Variants in GLI2 observed in about 807,000 individuals in gnomAD.
GLI2 encodes transcription activator GLI2.
GLI2 carries 22 observed loss-of-function variants against 78.9 expected under a neutral mutation model. That is an observed-to-expected ratio of 0.28 (90% confidence interval 0.20 to 0.40). GLI2 has a LOEUF of 0.40. GLI2 is among the 10% of genes least tolerant of loss of function. GLI2 has a pLI of 1.00. For synonymous variants in GLI2, 974 were observed against 963.7 expected, an observed-to-expected ratio of 1.01 and a Z score of -0.20; for missense variants, 2,097 against 2,213.2, an observed-to-expected ratio of 0.95 and a Z score of 1.05.
At chr2:120,777,501 G>GGGGAGGAGCGCGGCA (rs1378470495) in intron 1 of GLI2, among the ~76,000 whole-genome samples, 1 of 151,956 alleles carries the variant, frequency 6.6e-6, no homozygotes, top group Admixed American at 6.6e-5. Context: ...CACACAGCCT[G>GGGGAGGAGCGCGGCA]GGGAGGAGCG....
At chr2:120,853,984 G>A (rs758946977) in intron 2 of GLI2, among the ~76,000 whole-genome samples, 4 of 152,010 alleles carry the variant, frequency 2.6e-5, no homozygotes, top group African/African-American at 7.3e-5. Flanking sequence ...TGGCTCCCCC[G>A]AGCCCATTTT....
chr2:120,757,646 C>T (rs920747156), intron 1 of GLI2, among the ~76,000 whole-genome samples: 2 of 152,230 alleles, frequency 1.3e-5, no homozygotes, highest in African/African-American at 4.8e-5. Context: ...CCAATGTTCC[C>T]CTTCTGTTCA....
rs2592589 is a variant in GLI2 at position 120,972,355 on chromosome 2, G to C, written c.1182+292G>C. 0.89 allele frequency among the ~76,000 whole-genome samples: 135,444 copies of C among 152,252 alleles called. 61,869 individuals carry two copies. The highest frequency in any genetic ancestry group is 1 in the East Asian group (5,172 of 5,174). Reference sequence around the variant, plus strand: ...CTCAGGCTGCATCTGTCTCTCTCTCGCCACACCTGACCTGTGTACAGCACC... The same window carrying C: ...CTCAGGCTGCATCTGTCTCTCTCTCCCCACACCTGACCTGTGTACAGCACC... On this transcript the variant is annotated intron_variant, in intron 8 of 13. Coordinates refer to ENST00000361492, the MANE Select transcript of GLI2 (RefSeq NM_001374353.1).
chr2:120,809,740 C>G (rs1685145244), intron 2 of GLI2, among the ~76,000 whole-genome samples: 1 of 152,204 alleles, frequency 6.6e-6, no homozygotes, highest in Non-Finnish European at 1.5e-5. Flanking sequence ...CCCATCTAAT[C>G]TATAGGCCCC....
rs959912590 is a variant in GLI2 at position 120,988,850 on chromosome 2, T to A, written c.2885T>A (p.Leu962Gln). ...ASDPVRRPDA[L>Q]SLPRVQRFHS... The stretch of plus-strand genomic sequence containing the variant: ...GACCCTGTGCGGCGGCCCGATGCCC[T>A]GTCCCTGCCGCGGGTGCAGCGCTTC... The change falls in exon 14 of 14, where the codon CTG (leucine) becomes CAG (glutamine). Residue 962 changes from leucine (L) to glutamine (Q), a missense_variant. By Grantham distance (113) the Leu-to-Gln change is moderately radical. Coordinates refer to ENST00000361492, the MANE Select transcript of GLI2 (RefSeq NM_001374353.1). 2.7e-6 allele frequency: 4 copies of A among 1,489,050 alleles called. No individual in the cohort carries two copies. In the African/African-American group the frequency reaches 4.4e-5, roughly 16 times the overall value. The allele number at this position is 1,489,050 out of a possible 1,614,324, so 92.2% of individuals were successfully genotyped here.
intron 1 of GLI2, among the ~76,000 whole-genome samples, chr2:120,774,010 C>T (rs986168857): frequency 6.8e-6 from 1 of 147,784 alleles, no homozygotes; most frequent in African/African-American, 2.5e-5. Context: ...CCCTTTCTTC[C>T]CTCCCTTCCA....
chr2:120,866,477 A>G (rs934558751), intron 2 of GLI2: 3 of 152,250 alleles, frequency 2.0e-5, no homozygotes, highest in South Asian at 2.1e-4. Flanking sequence ...GCTGTTTTTC[A>G]TATTCTTGAT....
At chr2:120,821,284 T>A (rs1189038853) in intron 2 of GLI2, among the ~76,000 whole-genome samples, 3 of 152,132 alleles carry the variant, frequency 2.0e-5, no homozygotes, top group Non-Finnish European at 4.4e-5. Context: ...AGCAAAGGCC[T>A]GGTGTGCGAT....
In GLI2 at chr2:120,991,491, G is replaced by T. The variant is rs2278741; in HGVS notation, c.*816G>T. On this transcript the variant is annotated 3_prime_UTR_variant, in exon 14 of 14. Transcript: ENST00000361492. ...AGAATGTAGCCCTTCCTGAAAAGAA[G>T]ACTTGTTTCTAAATACCTCGGGGCT... The T allele has an allele frequency of 6.6e-6, 1 of 152,502 alleles. No individual in the cohort carries two copies. Among genetic ancestry groups the T allele is most frequent in the Admixed American group, 6.5e-5 (1 of 15,272 alleles). 9.4% of individuals were successfully genotyped at this position (152,502 alleles called of 1,614,324 possible). A position where few individuals can be genotyped will look rare whatever the true frequency, so the allele number is the denominator to read the frequency against.
At chr2:120,820,368 G>A (rs1260043797) in intron 2 of GLI2, among the ~76,000 whole-genome samples, 1 of 152,212 alleles carries the variant, frequency 6.6e-6, no homozygotes, top group African/African-American at 2.4e-5. Context: ...CCAGCTGGAC[G>A]CCGGAGTTCC....
chr2:120,975,082 G>A lies in GLI2; in HGVS notation c.1290G>A (p.Glu430=). Residue 430 remains glutamate, a synonymous_variant, in exon 9 of 14, where the codon GAG becomes GAA. Transcript: ENST00000361492. ...GCCACTGGGAAGACTGCACCAAGGA[G>A]TACGACACCCAGGAGCAGCTGGTGC... ...TNCHWEDCTK[E]YDTQEQLVHH... 6.2e-7 allele frequency: 1 copy of A among 1,614,038 alleles called. No individual in the cohort carries two copies. The highest frequency in any genetic ancestry group is 8.5e-7 in the Non-Finnish European group (1 of 1,180,040).
intron 2 of GLI2, among the ~76,000 whole-genome samples, chr2:120,886,628 C>T (rs1677427226): frequency 6.6e-6 from 1 of 152,174 alleles, no homozygotes; most frequent in Non-Finnish European, 1.5e-5. Flanking sequence ...CTCATACTAG[C>T]CTTCCTGAGG....
Position 120,990,550 on chromosome 2 carries a change from A to AC in GLI2, c.4591dup (p.Arg1531ProfsTer74). The AC allele has an allele frequency of 6.2e-7, 1 of 1,611,592 alleles. No homozygotes were observed. ...CTCCCAGAACTCCTCCCGCCTCACC[A>AC]CCCCCCGAAACTCCTTGACCCTGCC... On this transcript the variant is annotated frameshift_variant, in exon 14 of 14. Transcript: ENST00000361492. LOFTEE classifies it high-confidence loss of function.
intron 2 of GLI2, among the ~76,000 whole-genome samples, chr2:120,899,773 C>T (rs1462222890): frequency 6.6e-6 from 1 of 152,218 alleles, no homozygotes; most frequent in Non-Finnish European, 1.5e-5. Context: ...TGAAAATACG[C>T]TTTAGAAATG....
At chr2:120,847,762 G>GC (rs1331133730) in intron 2 of GLI2, among the ~76,000 whole-genome samples, 3 of 104,680 alleles carry the variant, frequency 2.9e-5, no homozygotes, top group African/African-American at 8.0e-5. Context: ...GGGCAGGGGC[G>GC]GGGGGGCGGT....
chr2:120,750,957 A>G (rs549222461), intron 1 of GLI2, among the ~76,000 whole-genome samples: 3 of 152,366 alleles, frequency 2.0e-5, no homozygotes, highest in East Asian at 1.9e-4. Context: ...TGCTCTGCAG[A>G]GGCCTCTCCA....
At chr2:120,912,274 GTTTT>G (rs564285080) in intron 2 of GLI2, among the ~76,000 whole-genome samples, 1 of 136,910 alleles carries the variant, frequency 7.3e-6, no homozygotes. Context: ...TTTGCAAGAG[GTTTT>G]TTTTTTTTTT....
chr2:120,984,636 G>A lies in GLI2; in HGVS notation c.1798G>A (p.Glu600Lys), dbSNP rs2105071104. 6.2e-7 allele frequency: 1 copy of A among 1,614,174 alleles called. No individual in the cohort carries two copies. The highest frequency in any genetic ancestry group is 8.5e-7 in the Non-Finnish European group (1 of 1,180,028). The change falls in exon 12 of 14, where the codon GAG becomes AAG. Residue 600 changes from glutamate (E) to lysine (K), a missense_variant. Coordinates refer to ENST00000361492, the MANE Select transcript of GLI2 (RefSeq NM_001374353.1). The stretch of plus-strand genomic sequence containing the variant: ...GCTGCTCAAAGAGAATGGGGACAGT[G>A]AGGCCGGCACGGAGCCTGGCGGCCC... ...TPLLKENGDS[E>K]AGTEPGGPES...
intron 11 of GLI2, among the ~76,000 whole-genome samples, chr2:120,983,240 G>A (rs977915931): frequency 1.3e-5 from 2 of 152,188 alleles, no homozygotes; most frequent in Non-Finnish European, 2.9e-5. Flanking sequence ...TGATCTCGGA[G>A]TGTTTAACAT....
Sources: gnomAD v4.1 joint callset for allele counts (sites outside exome capture counted in the v4.1 genomes callset) on GRCh38, gnomAD v4.1.1 for gene constraint, MANE v1.5 for transcripts, NCBI Gene and HGNC (gene_info 2026-07-23, HGNC 2026-07-21) for gene names.